Variants in HIRA observed in about 807,000 individuals in gnomAD.
HIRA encodes histone cell cycle regulator.
In HIRA, 13 loss-of-function variants were observed where a neutral mutation model predicts 126.6. The ratio of observed to expected loss-of-function variants is 0.10; its 90% CI spans 0.07 to 0.16. The LOEUF is 0.16. Ranked by LOEUF, HIRA falls within the 10% of genes least tolerant of loss-of-function variation. The pLI, the probability that HIRA is intolerant of heterozygous loss-of-function variation, is 1.00. For missense variants in HIRA, 834 were observed against 1,314.4 expected (o/e 0.63, Z 5.65); for synonymous variants, 511 against 520.0 (o/e 0.98, Z 0.24).
At chr22:19,399,274 C>A (rs1272452280) in intron 5 of HIRA, 1 of 474,306 alleles carries the variant, frequency 2.1e-6, no homozygotes, top group Admixed American at 6.5e-5. Context: ...TTTCTTTGTA[C>A]AAGAGGTTTA....
chr22:19,387,038 G>A (rs1395458500), intron 11 of HIRA, among the ~76,000 whole-genome samples: 5 of 152,212 alleles, frequency 3.3e-5, no homozygotes, highest in Admixed American at 3.3e-4. Context: ...AACCCACCAA[G>A]TGGGGGCAGG....
chr22:19,336,941 G>A (rs1373324350), intron 24 of HIRA, among the ~76,000 whole-genome samples: 25 of 152,128 alleles, frequency 1.6e-4, no homozygotes, highest in Non-Finnish European at 7.3e-5. Flanking sequence ...CAAATGAGAA[G>A]TAATCAGAAA....
At chr22:19,344,941 G>C (rs1398942649) in intron 24 of HIRA, among the ~76,000 whole-genome samples, 1 of 152,112 alleles carries the variant, frequency 6.6e-6, no homozygotes, top group Non-Finnish European at 1.5e-5. Flanking sequence ...ATTCTTTCTT[G>C]ATAAAAGCAC....
At chr22:19,419,147 C>A (rs1462833847) in intron 1 of HIRA, among the ~76,000 whole-genome samples, 1 of 152,184 alleles carries the variant, frequency 6.6e-6, no homozygotes, top group Non-Finnish European at 1.5e-5. Flanking sequence ...GACCTATATG[C>A]AAGTAACTCC....
At chr22:19,349,007 C>T (rs541858640) in intron 24 of HIRA, among the ~76,000 whole-genome samples, 1 of 151,810 alleles carries the variant, frequency 6.6e-6, no homozygotes, top group East Asian at 1.9e-4. Flanking sequence ...TGGTCTCAAA[C>T]TCCTGACCTC....
Position 19,361,773 on chromosome 22 carries a change from C to T in HIRA, c.1934G>A (p.Arg645Gln). ...CATGAGACGAGAGTCCTTCCGAGGC[C>T]GCCCTTTCTTCTTCTTCTCTACTGT... ...VETVEKKKKG[R>Q]PRKDSRLMPV... is the part of the protein sequence containing the mutation. The change falls in exon 16 of 25, where the codon CGG becomes CAG. Residue 645 changes from arginine (R) to glutamine (Q), a missense_variant. Coordinates refer to ENST00000263208, the MANE Select transcript of HIRA (RefSeq NM_003325.4). 6.2e-7 allele frequency: 1 copy of T among 1,613,348 alleles called. No individual in the cohort carries two copies. The highest frequency in any genetic ancestry group is 8.5e-7 in the Non-Finnish European group (1 of 1,180,046).
rs557994507 is a variant in HIRA, at chr22:19,361,392, C to A, written c.1981-51G>T. On this transcript the variant is annotated intron_variant, in intron 16 of 24. Coordinates refer to ENST00000263208, the MANE Select transcript of HIRA (RefSeq NM_003325.4). ...GCCTTGCTCTAACACTACGGGGTAG[C>A]ATTTGGTAAAGGCAGGTCACCCAGA... 87 of 1,521,662 alleles carry A rather than the reference C, an allele frequency of 5.7e-5. No homozygotes were observed. In the South Asian group the frequency reaches 9.3e-4, roughly 16 times the overall value. The allele number at this position is 1,521,662 out of a possible 1,614,324, so 94.3% of individuals were successfully genotyped here. A position where few individuals can be genotyped will look rare whatever the true frequency, so the allele number is the denominator to read the frequency against.
Position 19,407,270 on chromosome 22 carries a change from A to G in HIRA, c.216T>C (p.Cys72=), listed in dbSNP as rs1432550555. Residue 72 remains cysteine (C), a synonymous_variant, in exon 4 of 25, where the codon TGT becomes TGC. Coordinates refer to ENST00000263208, the MANE Select transcript of HIRA (RefSeq NM_003325.4). ...MLCQMDNHLA[C]VNCVRWSNSG... Reference sequence around the variant, plus strand: ...TGTTTGACCACCGCACACAGTTCACACATGCTGGGAAGAAAAAAAAATAAG... The same window carrying G: ...TGTTTGACCACCGCACACAGTTCACGCATGCTGGGAAGAAAAAAAAATAAG... 6.2e-7 allele frequency: 1 copy of G among 1,613,180 alleles called. No individual in the cohort carries two copies.
chr22:19,361,825 T>C lies in HIRA; in HGVS notation c.1882A>G (p.Lys628Glu). 2 of 1,614,198 alleles carry C rather than the reference T, an allele frequency of 1.2e-6. No individual in the cohort carries two copies. The highest frequency in any genetic ancestry group is 1.7e-6 in the Non-Finnish European group (2 of 1,180,044). ...VPLAKASSLS[K>E]RKLELEVETV... ...TCTACCTCAAGCTCAAGTTTTCGCT[T>C]GGACAGTGAGGAAGCCTTAGCCAAA... Residue 628 changes from lysine to glutamate, a missense_variant, in exon 16 of 25, where the codon AAG (lysine) becomes GAG (glutamate). Around this residue, in one of 5 missense-constraint regions of HIRA, gnomAD observed 468 missense variants for 574.2 expected, o/e 0.82. Coordinates refer to ENST00000263208, the MANE Select transcript of HIRA (RefSeq NM_003325.4).
intron 15 of HIRA, among the ~76,000 whole-genome samples, chr22:19,373,173 G>T: frequency 6.6e-6 from 1 of 152,040 alleles, no homozygotes; most frequent in East Asian, 1.9e-4. Context: ...TTAGTTCTTT[G>T]TTCCCTTTTG....
intron 13 of HIRA, among the ~76,000 whole-genome samples, chr22:19,378,972 A>G (rs1462097266): frequency 6.6e-6 from 1 of 152,048 alleles, no homozygotes; most frequent in Non-Finnish European, 1.5e-5. Flanking sequence ...ACACTTAACA[A>G]TCTGACAGAA....
chr22:19,359,490 T>A lies in HIRA; in HGVS notation c.2086-6A>T, dbSNP rs369195565. On this transcript the variant is annotated splice_polypyrimidine_tract_variant and splice_region_variant and intron_variant, in intron 17 of 24. Coordinates refer to ENST00000263208, the MANE Select transcript of HIRA (RefSeq NM_003325.4). ...ATGGAAGGATCGGAGCTGACCTGGA[T>A]GAAGTAAACACACGGGTCTGCTCAG... 6.3e-7 allele frequency: 1 copy of A among 1,598,422 alleles called. No homozygotes were observed.
chr22:19,405,212 C>T (rs1308286425), intron 5 of HIRA, among the ~76,000 whole-genome samples: 1 of 152,164 alleles, frequency 6.6e-6, no homozygotes, highest in Non-Finnish European at 1.5e-5. Flanking sequence ...CCTGGAAAAC[C>T]CTTTGGTCCA....
chr22:19,340,295 A>G (rs2088612418), intron 24 of HIRA, among the ~76,000 whole-genome samples: 1 of 152,180 alleles, frequency 6.6e-6, no homozygotes, highest in Admixed American at 6.6e-5. Context: ...ATAGATGCCG[A>G]AAAAGCATCT....
Position 19,361,905 on chromosome 22 carries a change from T to C in HIRA, c.1802A>G (p.Glu601Gly). 6.2e-7 allele frequency: 1 copy of C among 1,614,228 alleles called. No homozygotes were observed. Among genetic ancestry groups the C allele is most frequent in the Non-Finnish European group, 8.5e-7 (1 of 1,180,034 alleles). The change falls in exon 16 of 25, where the codon GAG becomes GGG. Residue 601 changes from glutamate to glycine, a missense_variant. This residue lies in a region of HIRA where 468 missense variants were observed against 574.2 expected (regional missense o/e 0.82). Transcript: ENST00000263208. Reference protein sequence around the residue: ...ERLKEQNLVKELRPRDLLESS... With the variant: ...ERLKEQNLVKGLRPRDLLESS... ...CTCCAGGAGGTCTCGGGGCCTCAGC[T>C]CTTTCACAAGGTTCTGCTCTTTTAA... is the stretch of plus-strand genomic sequence containing the variant.
intron 15 of HIRA, among the ~76,000 whole-genome samples, chr22:19,374,456 C>T (rs943911591): frequency 1.3e-5 from 2 of 152,142 alleles, no homozygotes; most frequent in African/African-American, 4.8e-5. Context: ...ATGTGGCCTG[C>T]ATTGAGTTAA....
At chr22:19,358,282 A>AT (rs1556013333) in intron 18 of HIRA, among the ~76,000 whole-genome samples, 2 of 152,184 alleles carry the variant, frequency 1.3e-5, no homozygotes, top group African/African-American at 4.8e-5. Context: ...GCCCACTGCA[A>AT]AGAAAGCCAT....
At chr22:19,406,800 C>T (rs970695855) in intron 4 of HIRA, among the ~76,000 whole-genome samples, 9 of 152,216 alleles carry the variant, frequency 5.9e-5, no homozygotes, top group African/African-American at 2.2e-4. Flanking sequence ...AAAGTAATGG[C>T]AAAGAGGCTG....
At chr22:19,428,523 A>C (rs184158600) in intron 1 of HIRA, among the ~76,000 whole-genome samples, 18 of 152,272 alleles carry the variant, frequency 1.2e-4, no homozygotes, top group Admixed American at 1.1e-3. Flanking sequence ...ACCAAAGTAC[A>C]CCCACATTTC....
Sources: gnomAD v4.1 joint callset for allele counts (sites outside exome capture counted in the v4.1 genomes callset) on GRCh38, gnomAD v4.1.1 for gene constraint, gnomAD v4.1.1 regional missense constraint, MANE v1.5 for transcripts, NCBI Gene and HGNC (gene_info 2026-07-23, HGNC 2026-07-21) for gene names.